OLR1: variants seen among roughly 807,000 people sequenced by gnomAD.
OLR1 encodes oxidized low-density lipoprotein receptor 1.
In OLR1, 23 loss-of-function variants were observed where a neutral mutation model predicts 31.7. The ratio of observed to expected loss-of-function variants is 0.72; its 90% CI spans 0.52 to 1.03. The LOEUF (loss-of-function observed/expected upper bound fraction) is 1.03, where lower values mean the gene tolerates loss of function less well. Among genes scored for constraint, OLR1 ranks in the 50% least tolerant of loss-of-function variants. The pLI, the probability that OLR1 is intolerant of heterozygous loss-of-function variation, is 0.00. For missense variants in OLR1, 286 were observed against 315.7 expected (o/e 0.91, Z 0.71); for synonymous variants, 117 against 115.8 (o/e 1.01, Z -0.07).
intron 3 of OLR1, among the ~76,000 whole-genome samples, chr12:10,165,647 G>T (rs928006124): frequency 6.6e-6 from 1 of 151,578 alleles, no homozygotes; most frequent in African/African-American, 2.4e-5. Flanking sequence ...TGTCAAAACT[G>T]CTACTAGGGA....
chr12:10,168,237 A>G (rs969368172), intron 2 of OLR1, among the ~76,000 whole-genome samples: 3 of 152,026 alleles, frequency 2.0e-5, no homozygotes, highest in Non-Finnish European at 4.4e-5. Flanking sequence ...TTTTTCCCTC[A>G]ATATCTTCTC....
intron 3 of OLR1, among the ~76,000 whole-genome samples, chr12:10,164,571 C>T (rs1162899494): frequency 6.6e-6 from 1 of 152,154 alleles, no homozygotes; most frequent in Non-Finnish European, 1.5e-5. Flanking sequence ...ATTGTGCAAG[C>T]AAGAAGCTAG....
At chr12:10,171,261 C>T (rs1472211174) in intron 1 of OLR1, among the ~76,000 whole-genome samples, 2 of 152,108 alleles carry the variant, frequency 1.3e-5, no homozygotes, top group African/African-American at 2.4e-5. Context: ...TCTGACAATA[C>T]TTGTCTCTCT....
upstream of OLR1, chr12:10,172,353 C>A (rs1185331698): frequency 3.2e-6 from 1 of 312,882 alleles, no homozygotes; most frequent in East Asian, 6.0e-5. Context: ...AACTATTTTT[C>A]ATGAGCATCA....
In OLR1 at chr12:10,159,755, AG is replaced by A. The variant is rs1387732168; in HGVS notation, c.*124del. On this transcript the variant is annotated 3_prime_UTR_variant, in exon 6 of 6. Coordinates refer to ENST00000309539, the MANE Select transcript of OLR1 (RefSeq NM_002543.4). ...CCTGGAACCCCAGTTTCTGCAAAGG[AG>A]TTCTGCAGCCAGCTAAATGACAGTT... The A allele has an allele frequency of 1.1e-6, 1 of 885,388 alleles. No individual in the cohort carries two copies. Among genetic ancestry groups the A allele is most frequent in the Admixed American group, 2.7e-5 (1 of 36,456 alleles). 54.8% of individuals were successfully genotyped at this position (885,388 alleles called of 1,614,324 possible). A position where few individuals can be genotyped will look rare whatever the true frequency, so the allele number is the denominator to read the frequency against.
chr12:10,163,388 A>C (rs1436434783), intron 3 of OLR1, among the ~76,000 whole-genome samples: 6 of 152,142 alleles, frequency 3.9e-5, no homozygotes, highest in African/African-American at 1.4e-4. Context: ...ACATACAGTA[A>C]AGTTTGAGAA....
chr12:10,167,722 C>T lies in OLR1; in HGVS notation c.179-765G>A, dbSNP rs17808651. 17 of 152,162 alleles carry T rather than the reference C, an allele frequency of 1.1e-4. No homozygotes were observed. The East Asian group carries it at 3.3e-3, about 29-fold the overall frequency. The allele number at this position is 152,162 out of a possible 1,614,324, so 9.4% of individuals were successfully genotyped here. On this transcript the variant is annotated intron_variant, in intron 2 of 5. Transcript: ENST00000309539. ...TGTGACATACACCCCTTTTTTGAGACAGCCACGCACACTGTGTCACAAGAG... is the reference window on the plus strand; with the variant it reads ...TGTGACATACACCCCTTTTTTGAGATAGCCACGCACACTGTGTCACAAGAG...
At chr12:10,168,984 G>T in intron 2 of OLR1, 90 bp downstream of exon 2, 3 of 829,552 alleles carry the variant, frequency 3.6e-6, no homozygotes, top group Non-Finnish European at 5.4e-6. Flanking sequence ...GTTTGTAGTT[G>T]TTATGAAAGA....
chr12:10,161,656 C>T (rs1389741792), intron 3 of OLR1, among the ~76,000 whole-genome samples: 2 of 152,178 alleles, frequency 1.3e-5, no homozygotes, highest in East Asian at 3.9e-4. Flanking sequence ...AATCCTCCTG[C>T]CTCAGCCTCC....
In OLR1 at chr12:10,159,944, G is replaced by C. The variant is rs374494106; in HGVS notation, c.758C>G (p.Ala253Gly). Residue 253 changes from alanine to glycine, a missense_variant, in exon 6 of 6, where the codon GCG becomes GGG. Physicochemically the swap from Ala to Gly is moderately conservative, Grantham distance 60. Coordinates refer to ENST00000309539, the MANE Select transcript of OLR1 (RefSeq NM_002543.4). The stretch of plus-strand genomic sequence containing the variant: ...GAAGGCAGCTAAAATGCAGTTTTCC[G>C]CATAAACAGCTCCTCGTTGTATATA... Reference protein sequence around the residue: ...CAYIQRGAVYAENCILAAFSI... With the variant: ...CAYIQRGAVYGENCILAAFSI... 2 of 1,613,820 alleles carry C rather than the reference G, an allele frequency of 1.2e-6. No individual in the cohort carries two copies. The highest frequency in any genetic ancestry group is 4.5e-5 in the East Asian group (2 of 44,876).
Position 10,159,911 on chromosome 12 carries a change from C to T in OLR1, c.791G>A (p.Cys264Tyr). 6.2e-7 allele frequency: 1 copy of T among 1,613,834 alleles called. No individual in the cohort carries two copies. Among genetic ancestry groups the T allele is most frequent in the Non-Finnish European group, 8.5e-7 (1 of 1,179,918 alleles). ...ENCILAAFSI[C>Y]QKKANLRAQ ...TGCTCTTAGGTTTGCCTTCTTCTGA[C>T]ATATACTGAAGGCAGCTAAAATGCA... The change falls in exon 6 of 6, where the codon TGT becomes TAT. Residue 264 changes from cysteine to tyrosine, a missense_variant. Coordinates refer to ENST00000309539, the MANE Select transcript of OLR1 (RefSeq NM_002543.4).
At chr12:10,175,843 G>C (rs1315330619), upstream of OLR1, among the ~76,000 whole-genome samples, 1 of 152,254 alleles carries the variant, frequency 6.6e-6, no homozygotes, top group Non-Finnish European at 1.5e-5. Context: ...GAGGCACAGA[G>C]AGGAAAGAAA....
chr12:10,167,121 T>C, intron 2 of OLR1, 164 bp from the exon 3 acceptor site: 1 of 639,162 alleles, frequency 1.6e-6, no homozygotes, highest in Non-Finnish European at 2.7e-6. Flanking sequence ...GGTTCTTGAA[T>C]ATTCCTGCAG....
chr12:10,172,528 A>G (rs1422676176), upstream of OLR1: 1 of 157,364 alleles, frequency 6.4e-6, no homozygotes, highest in Non-Finnish European at 1.4e-5. Context: ...GGTGTCTTTT[A>G]CGAATCAGAT....
chr12:10,170,852 G>T (rs1948709344), intron 1 of OLR1: 1 of 152,130 alleles, frequency 6.6e-6, no homozygotes, highest in Non-Finnish European at 1.5e-5. Context: ...GTGAAGGAAG[G>T]TATGTGTTCC....
intron 3 of OLR1, among the ~76,000 whole-genome samples, chr12:10,166,092 T>TC (rs1394199883): frequency 3.3e-5 from 5 of 151,142 alleles, no homozygotes; most frequent in Admixed American, 1.3e-4. Flanking sequence ...ATGTTTGTAA[T>TC]CCCAAGCACT....
upstream of OLR1, among the ~76,000 whole-genome samples, chr12:10,173,550 G>A (rs573229186): frequency 4.8e-5 from 7 of 146,796 alleles, no homozygotes; most frequent in South Asian, 2.1e-4. Context: ...GAAGCTGAGG[G>A]GGGGGGTGGA....
At chr12:10,163,411 C>G (rs1422385737) in intron 3 of OLR1, among the ~76,000 whole-genome samples, 1 of 152,064 alleles carries the variant, frequency 6.6e-6, no homozygotes, top group Non-Finnish European at 1.5e-5. Flanking sequence ...ACCACAAATT[C>G]CATTGCTAAA....
At position 10,166,847 on chromosome 12, in the gene OLR1, C is replaced by T; in HGVS notation, c.289G>A (p.Glu97Lys). Residue 97 changes from glutamate (E) to lysine (K), a missense_variant, in exon 3 of 6, where the codon GAG (glutamate) becomes AAG (lysine). Physicochemically the swap from Glu to Lys is moderately conservative, Grantham distance 56. Transcript: ENST00000309539. ...ATTTCCTTGAGTTCGTTTTCTGACT[C>T]CTGTGAAGCTTCTTCTGCTTGTTGC... ...ARQQAEEASQ[E>K]SENELKEMIE... is the part of the protein sequence containing the mutation. The T allele has an allele frequency of 6.2e-7, 1 of 1,613,628 alleles. No individual in the cohort carries two copies. Among genetic ancestry groups the T allele is most frequent in the Non-Finnish European group, 8.5e-7 (1 of 1,179,984 alleles).
Sources: gnomAD v4.1 joint callset for allele counts (sites outside exome capture counted in the v4.1 genomes callset) on GRCh38, gnomAD v4.1.1 for gene constraint, MANE v1.5 for transcripts, NCBI Gene and HGNC (gene_info 2026-07-23, HGNC 2026-07-21) for gene names.